Variants in AAK1 observed in about 807,000 individuals in gnomAD.
The protein encoded by AAK1 is AP2-associated protein kinase 1.
AAK1 carries 37 observed loss-of-function variants against 116.0 expected under a neutral mutation model. The observed-to-expected ratio is 0.32, with a 90% CI of 0.25 to 0.42. The LOEUF is 0.42. Ranked by LOEUF, AAK1 falls within the 10% of genes least tolerant of loss-of-function variation. The pLI is 1.00. For synonymous variants in AAK1, 458 were observed against 439.9 expected (o/e 1.04, Z -0.51); for missense variants, 919 against 1,170.6 (o/e 0.79, Z 3.14).
In AAK1 at chr2:69,474,507, C is replaced by A; in HGVS notation, c.*1362G>T. ...CCTTTATTTATTTTATGAACAATAT[C>A]CTAAAGTTAATAAAGAACTATGCTT... On this transcript the variant is annotated 3_prime_UTR_variant, in exon 22 of 22. Coordinates refer to ENST00000409085, the MANE Select transcript of AAK1 (RefSeq NM_014911.5). 1.0e-6 allele frequency: 1 copy of A among 984,142 alleles called. No homozygotes were observed. Among genetic ancestry groups the A allele is most frequent in the Non-Finnish European group, 1.2e-6 (1 of 829,216 alleles). 61.0% of individuals were successfully genotyped at this position (984,142 alleles called of 1,614,324 possible).
chr2:69,470,796 T>C lies in AAK1; in HGVS notation c.*5073A>G, dbSNP rs909603223. On this transcript the variant is annotated 3_prime_UTR_variant, in exon 22 of 22. Coordinates refer to ENST00000409085, the MANE Select transcript of AAK1 (RefSeq NM_014911.5). ...TGTCCTCAGTGTGTAGCTATACTTT[T>C]CTTGTGCCCAGGTACTTATTGTCAC... The C allele has an allele frequency of 1.1e-5, 11 of 985,746 alleles. No individual in the cohort carries two copies. The highest frequency in any genetic ancestry group is 1.2e-4 in the Admixed American group (2 of 16,262). 61.1% of individuals were successfully genotyped at this position (985,746 alleles called of 1,614,324 possible).
chr2:69,518,590 T>C (rs771520291), intron 12 of AAK1, among the ~76,000 whole-genome samples: 1 of 152,160 alleles, frequency 6.6e-6, no homozygotes. Flanking sequence ...AGCTAATTTT[T>C]GTATTTTTAG....
At chr2:69,552,359 G>C (rs189190518) in intron 3 of AAK1, among the ~76,000 whole-genome samples, 2 of 152,252 alleles carry the variant, frequency 1.3e-5, no homozygotes, top group Admixed American at 6.5e-5. Flanking sequence ...ATGGTACTAA[G>C]AGCAATTAGA....
intron 2 of AAK1, among the ~76,000 whole-genome samples, chr2:69,587,396 T>TATATATAC: frequency 1.3e-5 from 2 of 150,900 alleles, no homozygotes; most frequent in East Asian, 3.9e-4. Context: ...CACACGTGTG[T>TATATATAC]ACATATATAC....
At chr2:69,631,339 T>C (rs564570387) in intron 2 of AAK1, among the ~76,000 whole-genome samples, 1 of 152,380 alleles carries the variant, frequency 6.6e-6, no homozygotes, top group African/African-American at 2.4e-5. Context: ...TTCTACAGGA[T>C]TCAAGTCCTA....
chr2:69,575,464 A>AT (rs947872572), intron 2 of AAK1, among the ~76,000 whole-genome samples: 4,056 of 134,384 alleles, frequency 0.03, 121 homozygotes, highest in African/African-American at 0.059. Context: ...AGATAAACAA[A>AT]TTTTTTTTTT....
At chr2:69,479,592 G>A (rs554420845) in intron 19 of AAK1, among the ~76,000 whole-genome samples, 7 of 152,282 alleles carry the variant, frequency 4.6e-5, no homozygotes, top group African/African-American at 1.7e-4. Flanking sequence ...CTGATTAGGA[G>A]AGGGTTGCCT....
intron 21 of AAK1, 33 bp from the exon 22 acceptor site, chr2:69,475,996 A>C: frequency 6.3e-7 from 1 of 1,594,184 alleles, no homozygotes; most frequent in Non-Finnish European, 8.5e-7. Flanking sequence ...TCAGTACAAA[A>C]CATAGAGGGT....
intron 19 of AAK1, among the ~76,000 whole-genome samples, chr2:69,480,362 C>A (rs1675039500): frequency 6.6e-6 from 1 of 151,622 alleles, no homozygotes; most frequent in African/African-American, 2.4e-5. Context: ...AGTAATACTA[C>A]ATCTAGGGAA....
intron 2 of AAK1, among the ~76,000 whole-genome samples, chr2:69,622,362 C>A (rs915771151): frequency 6.6e-6 from 1 of 151,888 alleles, no homozygotes; most frequent in Non-Finnish European, 1.5e-5. Context: ...GCCTCCCCGA[C>A]GAGCGCCACC....
At chr2:69,523,928 G>A (rs1217835868) in intron 10 of AAK1, among the ~76,000 whole-genome samples, 1 of 152,230 alleles carries the variant, frequency 6.6e-6, no homozygotes, top group African/African-American at 2.4e-5. Context: ...CCCTCTGTCT[G>A]GGTCAGACTT....
intron 2 of AAK1, among the ~76,000 whole-genome samples, chr2:69,568,729 C>T (rs929598552): frequency 6.6e-6 from 1 of 152,168 alleles, no homozygotes; most frequent in African/African-American, 2.4e-5. Context: ...CCTGACCCTC[C>T]TATGTTCTGA....
At chr2:69,615,009 T>C (rs1308456012) in intron 2 of AAK1, among the ~76,000 whole-genome samples, 2 of 152,192 alleles carry the variant, frequency 1.3e-5, no homozygotes, top group Non-Finnish European at 2.9e-5. Context: ...AATTAATCTC[T>C]ACTGGTGTAA....
chr2:69,491,804 T>G (rs939952486), intron 17 of AAK1, among the ~76,000 whole-genome samples: 5 of 152,214 alleles, frequency 3.3e-5, no homozygotes, highest in Non-Finnish European at 4.4e-5. Flanking sequence ...TTGCCAATTT[T>G]AAGGATAAGA....
chr2:69,522,803 CAA>C (rs11465056), intron 10 of AAK1, among the ~76,000 whole-genome samples: 7 of 125,700 alleles, frequency 5.6e-5, no homozygotes, highest in African/African-American at 2.8e-5. Context: ...GACTCCATCT[CAA>C]AAAAAAAAAA....
chr2:69,584,913 T>C (rs1288613246), intron 2 of AAK1, among the ~76,000 whole-genome samples: 1 of 152,198 alleles, frequency 6.6e-6, no homozygotes, highest in Non-Finnish European at 1.5e-5. Context: ...TAAAAATCAC[T>C]GTTCCCTTTG....
intron 2 of AAK1, among the ~76,000 whole-genome samples, chr2:69,609,846 G>A (rs57725496): frequency 0.022 from 3,319 of 151,878 alleles, 109 homozygotes; most frequent in African/African-American, 0.074. Context: ...TCAGGAGATC[G>A]AGACCATCCT....
At chr2:69,599,063 G>A (rs11892456) in intron 2 of AAK1, 19,766 of 209,704 alleles carry the variant, frequency 0.094, 2,515 homozygotes, top group African/African-American at 0.3. Flanking sequence ...CTGAACTGAA[G>A]CTCATGAAGA....
rs1466352510 is a variant in AAK1, at chr2:69,466,058, T to C, written c.*9811A>G. On this transcript the variant is annotated 3_prime_UTR_variant, in exon 22 of 22. Transcript: ENST00000409085. ...TACTGCTCTTGGAGACAAATGGGGC[T>C]TTGGAGAAAATGTCCATGTCATCAT... The C allele has an allele frequency of 1.5e-6, 2 of 1,290,776 alleles. No individual in the cohort carries two copies. The highest frequency in any genetic ancestry group is 2.0e-6 in the Non-Finnish European group (2 of 988,886). The allele number at this position is 1,290,776 out of a possible 1,614,324, so 80.0% of individuals were successfully genotyped here.
Sources: gnomAD v4.1 joint callset for allele counts (sites outside exome capture counted in the v4.1 genomes callset) on GRCh38, gnomAD v4.1.1 for gene constraint, MANE v1.5 for transcripts, NCBI Gene and HGNC (gene_info 2026-07-23, HGNC 2026-07-21) for gene names.